STK11IP: variants seen among roughly 807,000 people sequenced by gnomAD.
STK11IP encodes the protein serine/threonine kinase 11 interacting protein.
In STK11IP, 103 loss-of-function variants were observed where a neutral mutation model predicts 131.7. That is an observed-to-expected ratio of 0.78 (90% CI 0.67 to 0.92). The LOEUF (loss-of-function observed/expected upper bound fraction) is 0.92, where lower values mean the gene tolerates loss of function less well. Among genes scored for constraint, STK11IP ranks in the 40% least tolerant of loss-of-function variants. The pLI is 0.00. For synonymous variants in STK11IP, 557 were observed against 575.6 expected, an observed-to-expected ratio of 0.97 and a Z score of 0.46; for missense variants, 1,315 against 1,385.7, an observed-to-expected ratio of 0.95 and a Z score of 0.81.
chr2:219,614,251 A>G lies in STK11IP; in HGVS notation c.2798+9A>G. 1.2e-6 allele frequency: 2 copies of G among 1,613,036 alleles called. No individual in the cohort carries two copies. Among genetic ancestry groups the G allele is most frequent in the Middle Eastern group, 3.3e-4 (2 of 5,986 alleles). On this transcript the variant is annotated intron_variant, in intron 22 of 24. Coordinates refer to ENST00000456909, the MANE Select transcript of STK11IP (RefSeq NM_052902.4). ...CCCCAGCACCGGCTCTGGTGAGTCG[A>G]TAGGAGGCAGAGGCTGGGGTTGCTG...
chr2:219,606,517 G>C lies in STK11IP; in HGVS notation c.987G>C (p.Gln329His). The change falls in exon 11 of 25, where the codon CAG (glutamine) becomes CAC (histidine). Residue 329 changes from glutamine (Q) to histidine (H), a missense_variant and splice_region_variant. Gln to His is a conservative substitution (Grantham distance 24, BLOSUM62 0). Transcript: ENST00000456909. The stretch of plus-strand genomic sequence containing the variant: ...AGGTCTTGTCACTGACAGATTTTCA[G>C]GTCGGTGTGGTTGGGGGGCGAGGAC... ...DGKVLSLTDF[Q>H]THTSLGLSPM... 1 of 1,612,850 alleles carries C rather than the reference G, an allele frequency of 6.2e-7. No homozygotes were observed. The highest frequency in any genetic ancestry group is 8.5e-7 in the Non-Finnish European group (1 of 1,179,368).
In STK11IP at chr2:219,615,287, C is replaced by T. The variant is rs201344186; in HGVS notation, c.3063C>T (p.Ser1021=). Residue 1021 remains serine, a synonymous_variant, in exon 24 of 25, where the codon TCC becomes TCT. Coordinates refer to ENST00000456909, the MANE Select transcript of STK11IP (RefSeq NM_052902.4). ...AGCAGCCACTCAGCAGCCTGAGCTC[C>T]GTGCTGCTCTACCGCTCAGCCCCTG... ...REQQPLSSLS[S]VLLYRSAPED... The T allele has an allele frequency of 1.5e-3, 2,381 of 1,601,810 alleles. 4 individuals are homozygous for T. The highest frequency in any genetic ancestry group is 1.8e-3 in the Non-Finnish European group (2,120 of 1,179,098).
chr2:219,615,394 G>C (rs1698543158), intron 24 of STK11IP, 53 bp downstream of exon 24: 1 of 1,564,106 alleles, frequency 6.4e-7, no homozygotes, highest in African/African-American at 1.3e-5. Context: ...GTGAGCACAG[G>C]TTGGGGCCAT....
At chr2:219,612,941 AG>A in intron 19 of STK11IP, 186 bp from the exon 20 acceptor site, 2 of 574,506 alleles carry the variant, frequency 3.5e-6, no homozygotes, top group Non-Finnish European at 6.3e-6. Context: ...CTGAGCGGGC[AG>A]GGGCTGCAAG....
Position 219,611,649 on chromosome 2 carries a change from T to C in STK11IP, c.2150T>C (p.Leu717Pro), listed in dbSNP as rs913838032. 6.2e-7 allele frequency: 1 copy of C among 1,613,106 alleles called. No homozygotes were observed. Among genetic ancestry groups the C allele is most frequent in the Non-Finnish European group, 8.5e-7 (1 of 1,179,836 alleles). The change falls in exon 18 of 25, where the codon CTC becomes CCC. Residue 717 changes from leucine to proline, a missense_variant. Physicochemically the swap from Leu to Pro is moderately conservative, Grantham distance 98. Coordinates refer to ENST00000456909, the MANE Select transcript of STK11IP (RefSeq NM_052902.4). Reference protein sequence around the residue: ...CPNCGSDHVVLLAVSRGTPNR... With the variant: ...CPNCGSDHVVPLAVSRGTPNR... ...AACTGTGGTAGTGACCACGTGGTTC[T>C]CCTCGCTGTGTCTCGGGGAACCCCC...
chr2:219,615,900 T>C, intron 24 of STK11IP, 144 bp from the exon 25 acceptor site: 1 of 1,080,864 alleles, frequency 9.3e-7, no homozygotes, highest in Non-Finnish European at 1.4e-6. Context: ...AGTCAGGATC[T>C]TTTATGGGGA....
rs1003949830 is a variant in STK11IP, at chr2:219,601,332, C to T, written c.159C>T (p.Gly53=). 1 of 1,614,088 alleles carries T rather than the reference C, an allele frequency of 6.2e-7. No homozygotes were observed. Among genetic ancestry groups the T allele is most frequent in the Non-Finnish European group, 8.5e-7 (1 of 1,179,910 alleles). The part of the protein sequence containing the change: ...HVFELHLGPW[G]PGQTGFVALP... Reference sequence around the variant, plus strand: ...TTGAGCTGCACCTGGGGCCATGGGGCCCTGGCCAGACAGGCTTTGTGGCTC... The same window carrying T: ...TTGAGCTGCACCTGGGGCCATGGGGTCCTGGCCAGACAGGCTTTGTGGCTC... Residue 53 remains glycine, a synonymous_variant, in exon 3 of 25, where the codon GGC becomes GGT. Transcript: ENST00000456909.
At chr2:219,603,324 G>A (rs577697572) in intron 7 of STK11IP, among the ~76,000 whole-genome samples, 1 of 152,208 alleles carries the variant, frequency 6.6e-6, no homozygotes, top group South Asian at 2.1e-4. Context: ...TTACAGGCAT[G>A]AGCCACCACG....
chr2:219,613,254 A>AGGGGGGAGATGGGGTGAGTG (rs1698451428), intron 20 of STK11IP, 29 bp downstream of exon 20: 16 of 764,278 alleles, frequency 2.1e-5, no homozygotes, highest in South Asian at 4.3e-5. Flanking sequence ...GCAGTGAGTA[A>AGGGGGGAGATGGGGTGAGTG]GGGGGGAGAT....
intron 17 of STK11IP, 66 bp downstream of exon 17, chr2:219,609,606 G>A (rs1574626053): frequency 1.3e-6 from 2 of 1,539,218 alleles, no homozygotes; most frequent in East Asian, 4.9e-5. Context: ...GTGGCTCTGT[G>A]TAGGGGAGTG....
Position 219,608,197 on chromosome 2 carries a change from C to T in STK11IP, c.1370C>T (p.Pro457Leu), listed in dbSNP as rs1698260308. Residue 457 changes from proline (P) to leucine (L), a missense_variant, in exon 14 of 25, where the codon CCA becomes CTA. Pro to Leu is a moderately conservative substitution (Grantham distance 98). Transcript: ENST00000456909. ...TPTTSAPSAP[P>L]ASSQGPDTAP... ...ACTACTTCTGCACCCAGTGCACCTC[C>T]AGCCAGCTCCCAGGGCCCCGACACT... 1.2e-6 allele frequency: 2 copies of T among 1,613,688 alleles called. No homozygotes were observed. The highest frequency in any genetic ancestry group is 1.7e-6 in the Non-Finnish European group (2 of 1,179,894).
intron 24 of STK11IP, chr2:219,615,706 G>A (rs1698550644): frequency 3.1e-6 from 2 of 641,520 alleles, no homozygotes; most frequent in South Asian, 1.5e-5. Flanking sequence ...CCTATTTACA[G>A]GTGAGGAAGC....
chr2:219,606,859 G>T lies in STK11IP; in HGVS notation c.1134+1G>T, dbSNP rs1698184469. On this transcript the variant is annotated splice_donor_variant, in intron 12 of 24. Coordinates refer to ENST00000456909, the MANE Select transcript of STK11IP (RefSeq NM_052902.4). LOFTEE classifies it high-confidence loss of function. ...CCAGCCCCTGCTTCATAAGGTTAAG[G>T]TAAGCAGCGTCCTCCGCTGCCTTGT... 6.2e-7 allele frequency: 1 copy of T among 1,608,274 alleles called. No homozygotes were observed.
chr2:219,606,610 C>T, intron 11 of STK11IP, 93 bp downstream of exon 11: 1 of 1,604,584 alleles, frequency 6.2e-7, no homozygotes, highest in East Asian at 2.2e-5. Context: ...ACAGGGTCTT[C>T]CTGGTCAGTG....
intron 4 of STK11IP, 105 bp from the exon 5 acceptor site, chr2:219,601,883 T>C (rs1697997487): frequency 1.6e-5 from 21 of 1,277,878 alleles, no homozygotes; most frequent in Non-Finnish European, 2.1e-5. Flanking sequence ...CCCTAAATCA[T>C]AGCTGGGCTT....
chr2:219,606,413 A>G (rs767405140), intron 10 of STK11IP, 63 bp from the exon 11 acceptor site: 115 of 1,575,130 alleles, frequency 7.3e-5, no homozygotes, highest in Non-Finnish European at 8.5e-5. Flanking sequence ...TGTGTTCTTA[A>G]TACCTGGAGC....
chr2:219,610,301 C>T (rs767830182), intron 17 of STK11IP, among the ~76,000 whole-genome samples: 3 of 152,250 alleles, frequency 2.0e-5, no homozygotes, highest in East Asian at 1.9e-4. Flanking sequence ...CAGCCCCTCC[C>T]GGACCCTGGC....
rs143390649 is a variant in STK11IP at position 219,606,213 on chromosome 2, C to T, written c.868C>T (p.Pro290Ser). Residue 290 changes from proline (P) to serine (S), a missense_variant, in exon 10 of 25, where the codon CCT becomes TCT. By Grantham distance (74) the Pro-to-Ser change is moderately conservative. Transcript: ENST00000456909. ...ELRKLYLEGNPLWFHPEHRAA... is the reference protein window; with the variant it reads ...ELRKLYLEGNSLWFHPEHRAA... ...CCCTCAGCTCTACCTGGAGGGGAACCCTCTTTGGTTCCACCCTGAGCACCG... is the reference window on the plus strand; with the variant it reads ...CCCTCAGCTCTACCTGGAGGGGAACTCTCTTTGGTTCCACCCTGAGCACCG... The T allele has an allele frequency of 1.8e-5, 28 of 1,567,616 alleles. No individual in the cohort carries two copies. Among genetic ancestry groups the T allele is most frequent in the Non-Finnish European group, 2.4e-5 (28 of 1,156,250 alleles).
chr2:219,609,794 CTG>C (rs1420430737), intron 17 of STK11IP: 69 of 450,726 alleles, frequency 1.5e-4, no homozygotes, highest in Admixed American at 1.2e-3. Flanking sequence ...ATCTCTGTAA[CTG>C]TGCTTAAACA....
Sources: allele counts gnomAD v4.1 joint callset (sites outside exome capture counted in the v4.1 genomes callset), GRCh38; gene constraint gnomAD v4.1.1; transcripts MANE v1.5; gene names NCBI Gene and HGNC (gene_info 2026-07-23, HGNC 2026-07-21).